CPNE4: variants seen among roughly 807,000 people sequenced by gnomAD.
CPNE4 encodes the protein copine 4, also known as copine-4.
In CPNE4, 25 loss-of-function variants were observed where a neutral mutation model predicts 67.9. That is an observed-to-expected ratio of 0.37 (90% confidence interval 0.27 to 0.51). The LOEUF is 0.51. Among genes scored for constraint, CPNE4 ranks in the 20% least tolerant of loss-of-function variants. The probability of loss-of-function intolerance (pLI) is 0.93; values close to 1 mark genes in which losing one functional copy is unlikely to be tolerated. For missense variants in CPNE4, 464 were observed against 690.8 expected, an observed-to-expected ratio of 0.67 and a Z score of 3.68; for synonymous variants, 242 against 244.9, an observed-to-expected ratio of 0.99 and a Z score of 0.11.
chr3:131,587,610 A>T (rs753278876), intron 7 of CPNE4, 28 bp from the exon 8 acceptor site: 4 of 1,537,748 alleles, frequency 2.6e-6, no homozygotes, highest in Admixed American at 3.4e-5. Context: ...GATCTTTCTT[A>T]AAAAATTAAG....
chr3:131,810,365 T>C (rs2084475969), intron 2 of CPNE4, among the ~76,000 whole-genome samples: 1 of 151,800 alleles, frequency 6.6e-6, no homozygotes, highest in African/African-American at 2.4e-5. Context: ...TACACACAAA[T>C]AGAAAACAAA....
At chr3:131,974,655 G>A (rs934439471) in intron 1 of CPNE4, among the ~76,000 whole-genome samples, 2 of 152,112 alleles carry the variant, frequency 1.3e-5, no homozygotes, top group Admixed American at 1.3e-4. Context: ...TGTGAACAGG[G>A]CCAAGCCTAT....
At chr3:131,894,288 A>G (rs1218046247) in intron 2 of CPNE4, among the ~76,000 whole-genome samples, 1 of 152,010 alleles carries the variant, frequency 6.6e-6, no homozygotes, top group Non-Finnish European at 1.5e-5. Context: ...CAAACATTTA[A>G]GAAGAATTAA....
chr3:132,006,964 G>A (rs1392152431), intron 1 of CPNE4, among the ~76,000 whole-genome samples: 1 of 152,152 alleles, frequency 6.6e-6, no homozygotes, highest in Non-Finnish European at 1.5e-5. Context: ...CCCCTGCTGA[G>A]AAGCTGAGCC....
intron 2 of CPNE4, among the ~76,000 whole-genome samples, chr3:131,853,753 T>C (rs1427643895): frequency 1.3e-5 from 2 of 151,810 alleles, no homozygotes; most frequent in East Asian, 3.9e-4. Context: ...AGATGCTTCA[T>C]AAAAGAAGAT....
At chr3:131,952,352 A>G (rs377354538) in intron 1 of CPNE4, among the ~76,000 whole-genome samples, 23,453 of 147,218 alleles carry the variant, frequency 0.16, 2,028 homozygotes, top group African/African-American at 0.25. Context: ...AGAAGTGAGG[A>G]GCCCCTCCGC....
At chr3:131,662,050 C>G (rs140374873) in intron 7 of CPNE4, among the ~76,000 whole-genome samples, 7 of 152,008 alleles carry the variant, frequency 4.6e-5, no homozygotes, top group African/African-American at 1.7e-4. Flanking sequence ...CCTTTCCAAG[C>G]AGTAAGAGCT....
At chr3:131,722,333 C>T (rs1309672770) in intron 3 of CPNE4, among the ~76,000 whole-genome samples, 1 of 152,090 alleles carries the variant, frequency 6.6e-6, no homozygotes, top group African/African-American at 2.4e-5. Context: ...TGACACAGAG[C>T]CATGGAAGGG....
chr3:131,982,860 A>T (rs991306181), intron 1 of CPNE4, among the ~76,000 whole-genome samples: 5 of 152,088 alleles, frequency 3.3e-5, no homozygotes, highest in African/African-American at 4.8e-5. Context: ...TATATATGAA[A>T]TACTATCTAA....
chr3:131,724,819 G>A lies in CPNE4; in HGVS notation c.181-1194C>T, dbSNP rs561834917. 3.3e-5 allele frequency among the ~76,000 whole-genome samples: 5 copies of A among 152,010 alleles called. No individual in the cohort carries two copies. In the South Asian group the frequency reaches 1.0e-3, roughly 32 times the overall value. ...CCGTGTACAGAGTTTAGTCCTTTAGGTTAAACTGTTTGGGTATGCCATCTG... is the reference window on the plus strand; with the variant it reads ...CCGTGTACAGAGTTTAGTCCTTTAGATTAAACTGTTTGGGTATGCCATCTG... On this transcript the variant is annotated intron_variant, in intron 2 of 15. Coordinates refer to ENST00000429747, the MANE Select transcript of CPNE4 (RefSeq NM_130808.3).
At chr3:131,633,848 T>C (rs1025753882) in intron 7 of CPNE4, among the ~76,000 whole-genome samples, 1 of 152,168 alleles carries the variant, frequency 6.6e-6, no homozygotes, top group Non-Finnish European at 1.5e-5. Flanking sequence ...TTCACTCCCC[T>C]TTCCCTTCTT....
intron 7 of CPNE4, among the ~76,000 whole-genome samples, chr3:131,603,937 TATTCC>T (rs1939356332): frequency 6.6e-6 from 1 of 152,212 alleles, no homozygotes; most frequent in Admixed American, 6.5e-5. Flanking sequence ...CTGGACTTAA[TATTCC>T]TTAAATTCTT....
intron 7 of CPNE4, among the ~76,000 whole-genome samples, chr3:131,598,851 C>A (rs900961215): frequency 1.2e-4 from 17 of 143,458 alleles, no homozygotes; most frequent in South Asian, 1.1e-3. Flanking sequence ...GTCCCCCCAC[C>A]CCCCCGCCAA....
intron 1 of CPNE4, among the ~76,000 whole-genome samples, chr3:131,923,641 G>A (rs186313058): frequency 5.5e-4 from 80 of 144,556 alleles, no homozygotes; most frequent in African/African-American, 1.9e-3. Flanking sequence ...AGAGGTGGAG[G>A]CTGCAGTGAG....
chr3:131,572,514 C>T (rs904123987), intron 10 of CPNE4, among the ~76,000 whole-genome samples: 9 of 151,954 alleles, frequency 5.9e-5, no homozygotes, highest in African/African-American at 2.2e-4. Context: ...TCTCGTTGGT[C>T]AAATCCAACC....
chr3:132,032,925 G>T (rs2074266948), intron 1 of CPNE4, among the ~76,000 whole-genome samples: 1 of 152,196 alleles, frequency 6.6e-6, no homozygotes, highest in Non-Finnish European at 1.5e-5. Flanking sequence ...TATGCTATGT[G>T]GTTTAACCAG....
intron 1 of CPNE4, among the ~76,000 whole-genome samples, chr3:131,916,097 C>A (rs1004350401): frequency 6.6e-6 from 1 of 152,048 alleles, no homozygotes; most frequent in Admixed American, 6.6e-5. Flanking sequence ...TCCCGGCATA[C>A]CAAAGGCAAC....
chr3:131,747,630 C>T (rs1377776506), intron 2 of CPNE4, among the ~76,000 whole-genome samples: 1 of 152,090 alleles, frequency 6.6e-6, no homozygotes, highest in Non-Finnish European at 1.5e-5. Flanking sequence ...CCTTAGCCTG[C>T]CAAGTAGCTG....
intron 2 of CPNE4, among the ~76,000 whole-genome samples, chr3:131,867,364 C>T (rs1036619356): frequency 1.3e-5 from 2 of 152,006 alleles, no homozygotes; most frequent in Admixed American, 6.6e-5. Flanking sequence ...AAAGAATGAA[C>T]AAAAAGTTAA....
Sources: gnomAD v4.1 joint callset for allele counts (sites outside exome capture counted in the v4.1 genomes callset) on GRCh38, gnomAD v4.1.1 for gene constraint, MANE v1.5 for transcripts, NCBI Gene and HGNC (gene_info 2026-07-23, HGNC 2026-07-21) for gene names.